Variants in CNOT4 observed in about 807,000 individuals in gnomAD.
CNOT4 encodes CCR4-associated factor 4.
Under a neutral mutation model 73.8 loss-of-function variants are expected in CNOT4, and 8 were observed. That is an observed-to-expected ratio of 0.11 (90% CI 0.06 to 0.20). The LOEUF is 0.20. CNOT4 is among the 10% of genes least tolerant of loss of function. The pLI is 1.00. For missense variants in CNOT4, 564 were observed against 883.4 expected (o/e 0.64, Z 4.58); for synonymous variants, 293 against 321.1 (o/e 0.91, Z 0.94).
At chr7:135,477,110 G>A (rs1457861320) in intron 1 of CNOT4, among the ~76,000 whole-genome samples, 1 of 152,174 alleles carries the variant, frequency 6.6e-6, no homozygotes, top group South Asian at 2.1e-4. Flanking sequence ...GGGACGCTGA[G>A]GTGGGCAGAT....
intron 1 of CNOT4, among the ~76,000 whole-genome samples, chr7:135,459,916 G>C (rs560594406): frequency 6.6e-6 from 1 of 152,300 alleles, no homozygotes; most frequent in African/African-American, 2.4e-5. Context: ...AGATCTTCTG[G>C]ACAACTGACT....
chr7:135,493,785 A>T (rs1034393390), intron 1 of CNOT4, among the ~76,000 whole-genome samples: 6 of 152,198 alleles, frequency 3.9e-5, no homozygotes, highest in Non-Finnish European at 7.3e-5. Flanking sequence ...AGTTTGGGGA[A>T]TCATGCTTTT....
Position 135,363,773 on chromosome 7 carries a change from A to C in CNOT4, c.1840+81T>G. On this transcript the variant is annotated intron_variant, in intron 11 of 11. Coordinates refer to ENST00000541284, the MANE Select transcript of CNOT4 (RefSeq NM_001190850.2). The surrounding 1 kb of genome is among the most constrained non-coding windows in gnomAD (Gnocchi z 4.3). ...CTTTGTGAAAAGCAGCTTATGTTGA[A>C]GAGATCTCGGTTTTTATTTAATCTG... is the stretch of plus-strand genomic sequence containing the variant. The C allele has an allele frequency of 7.0e-6, 8 of 1,137,550 alleles. No individual in the cohort carries two copies. Among genetic ancestry groups the C allele is most frequent in the Non-Finnish European group, 8.7e-6 (7 of 800,354 alleles). 70.5% of individuals were successfully genotyped at this position (1,137,550 alleles called of 1,614,324 possible).
At chr7:135,488,373 C>G (rs1345620283) in intron 1 of CNOT4, among the ~76,000 whole-genome samples, 1 of 152,166 alleles carries the variant, frequency 6.6e-6, no homozygotes, top group Non-Finnish European at 1.5e-5. Flanking sequence ...CCATCACACC[C>G]AGCTAAATTC....
chr7:135,492,796 G>C (rs888849777), intron 1 of CNOT4, among the ~76,000 whole-genome samples: 4 of 152,112 alleles, frequency 2.6e-5, no homozygotes, highest in Non-Finnish European at 5.9e-5. Context: ...GCATAAAAAA[G>C]ATAGGACCAT....
At chr7:135,447,364 C>T (rs1175339065) in intron 1 of CNOT4, among the ~76,000 whole-genome samples, 2 of 152,162 alleles carry the variant, frequency 1.3e-5, no homozygotes, top group African/African-American at 4.8e-5. Flanking sequence ...CATGAATATT[C>T]ATATACTATA....
intron 10 of CNOT4, among the ~76,000 whole-genome samples, chr7:135,381,517 T>A (rs1383143327): frequency 6.6e-6 from 1 of 152,226 alleles, no homozygotes; most frequent in Admixed American, 6.5e-5. Context: ...GTATACAAGT[T>A]GCTTGATTCA....
chr7:135,399,700 C>T (rs1317957204), intron 7 of CNOT4, among the ~76,000 whole-genome samples: 1 of 151,966 alleles, frequency 6.6e-6, no homozygotes, highest in Non-Finnish European at 1.5e-5. Context: ...GGGTTAGTAC[C>T]CAATCTGAAT....
At chr7:135,366,500 G>A (rs563681243) in intron 10 of CNOT4, among the ~76,000 whole-genome samples, 25 of 152,280 alleles carry the variant, frequency 1.6e-4, no homozygotes, top group African/African-American at 5.8e-4. Flanking sequence ...TTCACATATG[G>A]CGCATGATGC....
chr7:135,504,462 A>ATTTTTTTTTTTTTTTTTTTTTTTT (rs34100799), intron 1 of CNOT4, among the ~76,000 whole-genome samples: 1 of 55,942 alleles, frequency 1.8e-5, no homozygotes, highest in African/African-American at 9.4e-5. Context: ...CATCCGGCTA[A>ATTTTTTTTTTTTTTTTTTTTTTTT]TTTTTTTTTT....
At chr7:135,457,450 T>A (rs1800613089) in intron 1 of CNOT4, among the ~76,000 whole-genome samples, 1 of 152,084 alleles carries the variant, frequency 6.6e-6, no homozygotes. Flanking sequence ...ACACAGTATC[T>A]CGCATTGTAA....
intron 1 of CNOT4, among the ~76,000 whole-genome samples, chr7:135,480,703 T>C (rs1044058707): frequency 1.3e-5 from 2 of 152,202 alleles, no homozygotes; most frequent in Non-Finnish European, 1.5e-5. Flanking sequence ...CTTTTAGGAA[T>C]ACAAATGTTC....
At chr7:135,369,038 G>C (rs138827934) in intron 10 of CNOT4, among the ~76,000 whole-genome samples, 1 of 152,272 alleles carries the variant, frequency 6.6e-6, no homozygotes, top group African/African-American at 2.4e-5. Flanking sequence ...TGGCATAAAA[G>C]CTTCACCTGA....
chr7:135,408,901 G>A (rs558721214), intron 7 of CNOT4, among the ~76,000 whole-genome samples: 13 of 152,198 alleles, frequency 8.5e-5, no homozygotes, highest in African/African-American at 3.1e-4. Flanking sequence ...GAAAAGCTCT[G>A]GGTATTAAGA....
chr7:135,387,693 G>C, intron 10 of CNOT4: 2 of 984,806 alleles, frequency 2.0e-6, no homozygotes, highest in Non-Finnish European at 2.4e-6. Flanking sequence ...TTTGTCCACT[G>C]CTCCAAACTA....
chr7:135,476,610 AG>A (rs2129487013), intron 1 of CNOT4, among the ~76,000 whole-genome samples: 1 of 152,322 alleles, frequency 6.6e-6, no homozygotes, highest in Admixed American at 6.5e-5. Context: ...CAGGAGATTG[AG>A]GCTGCAGTAA....
At chr7:135,387,219 A>C in intron 10 of CNOT4, 1 of 984,828 alleles carries the variant, frequency 1.0e-6, no homozygotes, top group Non-Finnish European at 1.2e-6. Flanking sequence ...TAATGTCTTA[A>C]AGTCACTTCT....
chr7:135,410,514 C>T lies in CNOT4; in HGVS notation c.821+1G>A, dbSNP rs759685984. ...GTCTGACTATCAATATCAATACTTACGTATCGTACCTCTGCAGTGGTGTCA... is the reference window on the plus strand; with the variant it reads ...GTCTGACTATCAATATCAATACTTATGTATCGTACCTCTGCAGTGGTGTCA... On this transcript the variant is annotated splice_donor_variant, in intron 7 of 11. Transcript: ENST00000541284. LOFTEE classifies it high-confidence loss of function. 27 of 1,499,020 alleles carry T rather than the reference C, an allele frequency of 1.8e-5. No homozygotes were observed. Among genetic ancestry groups the T allele is most frequent in the Non-Finnish European group, 2.2e-5 (24 of 1,113,432 alleles). 92.9% of individuals were successfully genotyped at this position (1,499,020 alleles called of 1,614,324 possible).
At chr7:135,486,553 G>A (rs1802732759) in intron 1 of CNOT4, among the ~76,000 whole-genome samples, 1 of 152,200 alleles carries the variant, frequency 6.6e-6, no homozygotes, top group South Asian at 2.1e-4. Flanking sequence ...TTGCTCTTGG[G>A]CGTTTATCTG....
Sources: allele counts gnomAD v4.1 joint callset (sites outside exome capture counted in the v4.1 genomes callset), GRCh38; gene constraint gnomAD v4.1.1; non-coding constraint Gnocchi (gnomAD v3.1); transcripts MANE v1.5; gene names NCBI Gene and HGNC (gene_info 2026-07-23, HGNC 2026-07-21).